The following FSTL5 variants were observed in gnomAD, a reference collection of about 807,000 sequenced individuals.
The protein encoded by FSTL5 is follistatin like 5, also known as follistatin-related protein 5.
FSTL5 carries 62 observed loss-of-function variants against 89.1 expected under a neutral mutation model. That is an observed-to-expected ratio of 0.70 (90% CI 0.57 to 0.86). The LOEUF is 0.86. Ranked by LOEUF, FSTL5 falls within the 40% of genes least tolerant of loss-of-function variation. The pLI is 0.00. For missense variants in FSTL5, 1,057 were observed against 1,001.6 expected, an observed-to-expected ratio of 1.06 and a Z score of -0.75; for synonymous variants, 383 against 346.2, an observed-to-expected ratio of 1.11 and a Z score of -1.18.
rs542149914 is a variant in FSTL5 at position 161,997,168 on chromosome 4, G to A, written c.160+36457C>T. 3.9e-5 allele frequency among the ~76,000 whole-genome samples: 6 copies of A among 152,246 alleles called. 1 individual carries two copies. The South Asian group carries it at 1.2e-3, about 32-fold the overall frequency. ...GTTTAGCAACATTTTGAACTAATAA[G>A]TTCCTCAAAGGTTAGACAAATAAAT... On this transcript the variant is annotated intron_variant, in intron 3 of 15. Transcript: ENST00000306100.
intron 6 of FSTL5, among the ~76,000 whole-genome samples, chr4:161,688,366 AGC>A (rs1481449178): frequency 6.6e-6 from 1 of 152,304 alleles, no homozygotes; most frequent in Non-Finnish European, 1.5e-5. Context: ...TACAGGCATG[AGC>A]CACCTTGCCT....
intron 6 of FSTL5, among the ~76,000 whole-genome samples, chr4:161,670,276 C>T (rs1737053328): frequency 6.6e-6 from 1 of 152,066 alleles, no homozygotes; most frequent in African/African-American, 2.4e-5. Context: ...TTAATCAATA[C>T]CCATTTCCTA....
chr4:161,565,727 C>T (rs1021605447), intron 8 of FSTL5, among the ~76,000 whole-genome samples: 3 of 134,004 alleles, frequency 2.2e-5, no homozygotes, highest in African/African-American at 5.5e-5. Context: ...TTCTTGTGAA[C>T]GTAGTATAAC....
At chr4:161,869,995 A>AGCTATT (rs1732211858) in intron 4 of FSTL5, among the ~76,000 whole-genome samples, 1 of 152,206 alleles carries the variant, frequency 6.6e-6, no homozygotes. Flanking sequence ...AAACTGAAGA[A>AGCTATT]AAAAGTCTGT....
chr4:161,779,800 T>C (rs866988336), intron 4 of FSTL5, among the ~76,000 whole-genome samples: 30 of 57,178 alleles, frequency 5.2e-4, no homozygotes, highest in South Asian at 4.3e-3. Flanking sequence ...TATATATATA[T>C]ATATATATAT....
rs1482323467 is a variant in FSTL5, at chr4:161,522,378, A to C, written c.1313-11954T>G. On this transcript the variant is annotated intron_variant, in intron 10 of 15. Coordinates refer to ENST00000306100, the MANE Select transcript of FSTL5 (RefSeq NM_020116.5). ...CTGATATCACAGAGACTCCACACAC[A>C]TGTTTAATTACTGCTCATTCTTGAA... Among the ~76,000 whole-genome samples the C allele has an allele frequency of 3.9e-5, 6 of 152,148 alleles. 1 individual carries two copies. The highest frequency in any genetic ancestry group is 7.4e-5 in the Non-Finnish European group (5 of 68,026).
At chr4:161,804,005 T>C (rs1729880747) in intron 4 of FSTL5, among the ~76,000 whole-genome samples, 2 of 152,116 alleles carry the variant, frequency 1.3e-5, no homozygotes, top group South Asian at 4.1e-4. Context: ...GTCCCTTTGT[T>C]TTGCTCTGGA....
At position 161,728,456 on chromosome 4, in the gene FSTL5, T is replaced by C. The variant is rs186999904; in HGVS notation, c.727+30955A>G. On this transcript the variant is annotated intron_variant, in intron 6 of 15. Transcript: ENST00000306100. ...GATTTGGGCCTGGAAAATTGTTGCT[T>C]ACTTAATAAAGGAACTAAGGAAGTA... Among the ~76,000 whole-genome samples the C allele has an allele frequency of 1.9e-3, 292 of 152,278 alleles. 1 individual carries two copies. Among genetic ancestry groups the C allele is most frequent in the Non-Finnish European group, 3.2e-3 (216 of 68,018 alleles).
intron 14 of FSTL5, among the ~76,000 whole-genome samples, chr4:161,458,904 C>T (rs1452619246): frequency 6.6e-6 from 1 of 152,210 alleles, no homozygotes; most frequent in Non-Finnish European, 1.5e-5. Flanking sequence ...CTCTATTGTA[C>T]TTGCCTTACC....
intron 15 of FSTL5, among the ~76,000 whole-genome samples, chr4:161,448,431 C>A (rs1219072396): frequency 6.6e-6 from 1 of 152,032 alleles, no homozygotes; most frequent in Non-Finnish European, 1.5e-5. Context: ...GATGAGTTGT[C>A]TTGATATATG....
At chr4:161,557,901 T>C (rs777846221) in intron 8 of FSTL5, among the ~76,000 whole-genome samples, 5 of 151,806 alleles carry the variant, frequency 3.3e-5, no homozygotes, top group African/African-American at 4.8e-5. Flanking sequence ...ATATAAGTTA[T>C]ATAAACTGAA....
chr4:161,621,308 A>G (rs1450679729), intron 7 of FSTL5, among the ~76,000 whole-genome samples: 1 of 144,958 alleles, frequency 6.9e-6, no homozygotes, highest in Non-Finnish European at 1.5e-5. Flanking sequence ...ACACACACAA[A>G]CACAAAATTT....
At chr4:162,068,204 TA>T (rs1729426075) in intron 2 of FSTL5, among the ~76,000 whole-genome samples, 1 of 152,088 alleles carries the variant, frequency 6.6e-6, no homozygotes, top group African/African-American at 2.4e-5. Flanking sequence ...AAAACTATTT[TA>T]AATTTTATGT....
chr4:161,584,484 T>G (rs1211398621), intron 8 of FSTL5, among the ~76,000 whole-genome samples: 8 of 152,214 alleles, frequency 5.3e-5, no homozygotes, highest in Non-Finnish European at 1.2e-4. Flanking sequence ...ATTATTCCCA[T>G]CAGCATAAAA....
chr4:161,977,666 T>TAATAAA (rs1251963424), intron 3 of FSTL5, among the ~76,000 whole-genome samples: 6 of 131,726 alleles, frequency 4.6e-5, no homozygotes, highest in South Asian at 2.3e-4. Flanking sequence ...ATAATAATAA[T>TAATAAA]AAATTATTTT....
chr4:161,997,019 T>C (rs1736314814), intron 3 of FSTL5, among the ~76,000 whole-genome samples: 2 of 152,236 alleles, frequency 1.3e-5, no homozygotes, highest in South Asian at 4.1e-4. Context: ...TCAAAACATA[T>C]GCTAATTAGA....
chr4:161,386,063 G>A lies in FSTL5; in HGVS notation c.2228C>T (p.Ala743Val), dbSNP rs374169596. 9 of 1,613,894 alleles carry A rather than the reference G, an allele frequency of 5.6e-6. No individual in the cohort carries two copies. The highest frequency in any genetic ancestry group is 1.3e-5 in the African/African-American group (1 of 74,896). Reference sequence around the variant, plus strand: ...GGCTTCAGTAAAGGATGGTTGAAATGCCAGATCAGATATGTGCAGATTTGT... The same window carrying A: ...GGCTTCAGTAAAGGATGGTTGAAATACCAGATCAGATATGTGCAGATTTGT... ...IYTNLHISDL[A>V]FQPSFTEAHQ... Residue 743 changes from alanine to valine, a missense_variant, in exon 16 of 16, where the codon GCA becomes GTA. Transcript: ENST00000306100.
At chr4:161,738,070 AT>A (rs1239734790) in intron 6 of FSTL5, among the ~76,000 whole-genome samples, 1 of 152,094 alleles carries the variant, frequency 6.6e-6, no homozygotes, top group Non-Finnish European at 1.5e-5. Context: ...TATATACAAT[AT>A]CTTAAAGAGG....
At chr4:161,414,229 C>T (rs1220812940) in intron 15 of FSTL5, among the ~76,000 whole-genome samples, 1 of 152,084 alleles carries the variant, frequency 6.6e-6, no homozygotes, top group Non-Finnish European at 1.5e-5. Flanking sequence ...TTAATTCTAA[C>T]TCAAGATAAC....
Sources: gnomAD v4.1 joint callset for allele counts (sites outside exome capture counted in the v4.1 genomes callset) on GRCh38, gnomAD v4.1.1 for gene constraint, MANE v1.5 for transcripts, NCBI Gene and HGNC (gene_info 2026-07-23, HGNC 2026-07-21) for gene names.